Variants in DNAH14 observed in about 807,000 individuals in gnomAD.
DNAH14 encodes the protein dynein axonemal heavy chain 14, also known as axonemal beta dynein heavy chain 14.
DNAH14 carries 478 observed loss-of-function variants against 520.9 expected under a neutral mutation model. The ratio of observed to expected loss-of-function variants is 0.92; its 90% CI spans 0.85 to 0.99. DNAH14 has a LOEUF of 0.99. Ranked by LOEUF, DNAH14 falls within the 50% of genes least tolerant of loss-of-function variation. DNAH14 has a pLI of 0.00. For synonymous variants in DNAH14, 1,581 were observed against 1,757.2 expected, an observed-to-expected ratio of 0.90 and a Z score of 2.51; for missense variants, 4,831 against 5,234.5, an observed-to-expected ratio of 0.92 and a Z score of 2.38.
chr1:225,133,359 G>A (rs998547117), intron 27 of DNAH14, among the ~76,000 whole-genome samples: 1 of 152,008 alleles, frequency 6.6e-6, no homozygotes, highest in Non-Finnish European at 1.5e-5. Context: ...TATAGTTTTG[G>A]TTTTTAGATT....
chr1:225,322,603 T>C, intron 61 of DNAH14, 61 bp from the exon 62 acceptor site: 1 of 1,401,532 alleles, frequency 7.1e-7, no homozygotes, highest in Non-Finnish European at 9.5e-7. Flanking sequence ...TTCTGAGATA[T>C]TTACAGGGTG....
intron 17 of DNAH14, among the ~76,000 whole-genome samples, chr1:225,077,047 C>T (rs2072378009): frequency 6.6e-6 from 1 of 152,154 alleles, no homozygotes; most frequent in Non-Finnish European, 1.5e-5. Context: ...GAAAACCAAA[C>T]ACCACATGTT....
At chr1:225,100,978 C>A (rs2075394872) in intron 23 of DNAH14, 94 bp downstream of exon 23, 1 of 1,058,044 alleles carries the variant, frequency 9.5e-7, no homozygotes, top group East Asian at 3.0e-5. Context: ...AATTCCAGTG[C>A]AGATTTTCTT....
intron 55 of DNAH14, among the ~76,000 whole-genome samples, chr1:225,291,268 G>A (rs920966008): frequency 6.6e-6 from 1 of 152,050 alleles, no homozygotes; most frequent in African/African-American, 2.4e-5. Flanking sequence ...ATTCACTGGT[G>A]GACACTTAGG....
rs951257966 is a variant in DNAH14, at chr1:225,164,196, T to G, written c.5446-3743T>G. Among the ~76,000 whole-genome samples the G allele has an allele frequency of 2.6e-5, 4 of 152,262 alleles. No individual in the cohort carries two copies. The South Asian group carries it at 8.3e-4, about 32-fold the overall frequency. ...TGTCAGTTGTTGTTGTTGTATATACTTTAAAGTTGTAAGTTATATATGTAT... is the reference window on the plus strand; with the variant it reads ...TGTCAGTTGTTGTTGTTGTATATACGTTAAAGTTGTAAGTTATATATGTAT... On this transcript the variant is annotated intron_variant, in intron 35 of 85. Transcript: ENST00000682510.
chr1:225,346,242 T>G lies in DNAH14; in HGVS notation c.10959T>G (p.Phe3653Leu). Reference sequence around the variant, plus strand: ...AAAGCAAAGAACAAGAACATAGTTTTAAAAGGGAGAAAGTGTCTCCAAAAG... The same window carrying G: ...AAAGCAAAGAACAAGAACATAGTTTGAAAAGGGAGAAAGTGTCTCCAAAAG... ...VSKSKEQEHSFKREKVSPKEV... is the reference protein window; with the variant it reads ...VSKSKEQEHSLKREKVSPKEV... The change falls in exon 70 of 86, where the codon TTT (phenylalanine) becomes TTG (leucine). Residue 3653 changes from phenylalanine to leucine, a missense_variant. Coordinates refer to ENST00000682510, the MANE Select transcript of DNAH14 (RefSeq NM_001367479.1). The G allele has an allele frequency of 6.4e-7, 1 of 1,551,618 alleles. No homozygotes were observed. Among genetic ancestry groups the G allele is most frequent in the South Asian group, 1.2e-5 (1 of 84,054 alleles).
chr1:225,288,683 G>A (rs749183127), intron 54 of DNAH14, among the ~76,000 whole-genome samples: 1 of 152,076 alleles, frequency 6.6e-6, no homozygotes, highest in Non-Finnish European at 1.5e-5. Context: ...CACAAAAGAC[G>A]ATACCTGAAT....
chr1:225,117,856 A>T, intron 24 of DNAH14, 25 bp from the exon 25 acceptor site: 8 of 1,518,502 alleles, frequency 5.3e-6, no homozygotes, highest in Non-Finnish European at 6.3e-6. Flanking sequence ...CAATAATATT[A>T]CTGACATTTG....
At chr1:225,030,364 A>G (rs949372107) in intron 11 of DNAH14, among the ~76,000 whole-genome samples, 10 of 151,958 alleles carry the variant, frequency 6.6e-5, no homozygotes, top group African/African-American at 2.4e-4. Context: ...GGCTTTTGAT[A>G]AACAAGAGTT....
At chr1:225,195,117 A>G (rs2085954348) in intron 38 of DNAH14, among the ~76,000 whole-genome samples, 1 of 152,146 alleles carries the variant, frequency 6.6e-6, no homozygotes, top group African/African-American at 2.4e-5. Context: ...TTCTCAAAGA[A>G]CTTAGAACTA....
chr1:225,055,780 G>T (rs1249467572), intron 17 of DNAH14, among the ~76,000 whole-genome samples: 1 of 149,316 alleles, frequency 6.7e-6, no homozygotes, highest in East Asian at 2.0e-4. Context: ...GTGAGAACAT[G>T]TGGTGTTTGG....
intron 23 of DNAH14, among the ~76,000 whole-genome samples, chr1:225,106,086 A>G (rs2076022589): frequency 6.8e-6 from 1 of 147,234 alleles, no homozygotes; most frequent in South Asian, 2.1e-4. Context: ...GGTGGTGACA[A>G]AATCTCTCAG....
At chr1:225,198,769 A>G (rs142924502) in intron 38 of DNAH14, among the ~76,000 whole-genome samples, 448 of 152,220 alleles carry the variant, frequency 2.9e-3, no homozygotes, top group Middle Eastern at 0.027. Context: ...TCTTGCATCT[A>G]TGTTCATCAG....
intron 51 of DNAH14, 55 bp downstream of exon 51, chr1:225,272,128 T>C (rs1574434171): frequency 6.9e-7 from 1 of 1,455,702 alleles, no homozygotes; most frequent in East Asian, 2.5e-5. Context: ...TTGCTCTCTC[T>C]CATACTGTCA....
intron 52 of DNAH14, among the ~76,000 whole-genome samples, chr1:225,274,197 ATT>A (rs869247051): frequency 1.5e-3 from 138 of 92,874 alleles, no homozygotes; most frequent in African/African-American, 4.9e-3. Flanking sequence ...AGCATCTGTT[ATT>A]TTTTTTTTTT....
chr1:225,385,055 G>A (rs2095824623), intron 81 of DNAH14, among the ~76,000 whole-genome samples: 1 of 152,158 alleles, frequency 6.6e-6, no homozygotes, highest in Non-Finnish European at 1.5e-5. Flanking sequence ...TCCTCCATGG[G>A]ATGCAGGGGT....
intron 27 of DNAH14, among the ~76,000 whole-genome samples, chr1:225,128,215 G>A (rs952928903): frequency 6.6e-6 from 1 of 151,846 alleles, no homozygotes; most frequent in Non-Finnish European, 1.5e-5. Flanking sequence ...GAGTATCTTT[G>A]TGGTGTTCTC....
chr1:225,294,836 A>AAAAT (rs1553303893), intron 55 of DNAH14, among the ~76,000 whole-genome samples: 1 of 150,778 alleles, frequency 6.6e-6, no homozygotes, highest in Non-Finnish European at 1.5e-5. Flanking sequence ...AAAAAAAAAA[A>AAAAT]AGTTGGTAGA....
In DNAH14 at chr1:225,346,039, A is replaced by C; in HGVS notation, c.10756A>C (p.Ile3586Leu). Residue 3586 changes from isoleucine to leucine, a missense_variant, in exon 70 of 86, where the codon ATC becomes CTC. Coordinates refer to ENST00000682510, the MANE Select transcript of DNAH14 (RefSeq NM_001367479.1). ...KMTSNEISKR[I>L]EATKKAESEI... is the part of the protein sequence containing the mutation. ...GACATCAAACGAAATTTCAAAGCGC[A>C]TCGAAGCAACAAAAAAAGCTGAAAG... 6.4e-7 allele frequency: 1 copy of C among 1,551,720 alleles called. No homozygotes were observed. Among genetic ancestry groups the C allele is most frequent in the Non-Finnish European group, 8.7e-7 (1 of 1,146,998 alleles).
Sources: gnomAD v4.1 joint callset for allele counts (sites outside exome capture counted in the v4.1 genomes callset) on GRCh38, gnomAD v4.1.1 for gene constraint, MANE v1.5 for transcripts, NCBI Gene and HGNC (gene_info 2026-07-23, HGNC 2026-07-21) for gene names.